The following NRK variants were observed in gnomAD, a reference collection of about 807,000 sequenced individuals.
NRK encodes Nik related kinase.
Under a neutral mutation model 125.2 loss-of-function variants are expected in NRK, and 67 were observed. The ratio of observed to expected loss-of-function variants is 0.54; its 90% CI spans 0.44 to 0.66. The LOEUF is 0.66. Ranked by LOEUF, NRK falls within the 30% of genes least tolerant of loss-of-function variation. The pLI is 0.00. For synonymous variants in NRK, 458 were observed against 429.0 expected (o/e 1.07, Z -0.84); for missense variants, 1,224 against 1,192.9 (o/e 1.03, Z -0.38).
At chrX:105,905,220 G>T (rs1426586173) in intron 9 of NRK, 45 bp from the exon 10 acceptor site, 11 of 990,328 alleles carry the variant, frequency 1.1e-5, no homozygotes, top group Non-Finnish European at 1.3e-5. Context: ...GTGTTCTTTA[G>T]TTACCCTTCT....
At position 105,955,053 on chromosome X, in the gene NRK, A is replaced by AG. The variant is rs764986196; in HGVS notation, c.4654-451dup. Among the ~76,000 whole-genome samples, 225 of 111,635 alleles carry AG rather than the reference A, an allele frequency of 2.0e-3. 1 individual carries two copies. The highest frequency in any genetic ancestry group is 7.0e-3 in the African/African-American group (217 of 30,881). On this transcript the variant is annotated intron_variant, in intron 28 of 28. Transcript: ENST00000243300. ...TTTTTAATATTAAAAAATAATGAAA[A>AG]GAAAAAAAAAGAAAATTGTACCAAG...
intron 2 of NRK, among the ~76,000 whole-genome samples, chrX:105,859,543 G>T (rs1000925903): frequency 9.0e-6 from 1 of 111,697 alleles, no homozygotes; most frequent in East Asian, 2.8e-4. Flanking sequence ...ACCCAAAAAG[G>T]GTGTGTTTAA....
intron 2 of NRK, among the ~76,000 whole-genome samples, chrX:105,836,147 T>C (rs2039262457): frequency 8.9e-6 from 1 of 111,859 alleles, no homozygotes; most frequent in Non-Finnish European, 1.9e-5. Context: ...GACTTCTCTA[T>C]AGATTGAAGA....
At position 105,875,757 on chromosome X, in the gene NRK, A is replaced by G. The variant is rs2039807441; in HGVS notation, c.124-4442A>G. Reference sequence around the variant, plus strand: ...ATAGACTTCTTGATTCTAAATGCCAATAGACTTGAATCTAGAGTCAAGAAT... The same window carrying G: ...ATAGACTTCTTGATTCTAAATGCCAGTAGACTTGAATCTAGAGTCAAGAAT... On this transcript the variant is annotated intron_variant, in intron 2 of 28. Transcript: ENST00000243300. Among the ~76,000 whole-genome samples, 5 of 110,812 alleles carry G rather than the reference A, an allele frequency of 4.5e-5. No homozygotes were observed. In the Admixed American group the frequency reaches 4.9e-4, roughly 11 times the overall value.
chrX:105,954,028 T>C (rs148751704), intron 28 of NRK, among the ~76,000 whole-genome samples: 84 of 111,033 alleles, frequency 7.6e-4, no homozygotes, highest in African/African-American at 2.7e-3. Context: ...TAACCAGGAC[T>C]AACCAGGTTA....
intron 9 of NRK, 66 bp downstream of exon 9, chrX:105,900,738 T>C: frequency 4.3e-6 from 3 of 690,583 alleles, no homozygotes; most frequent in Non-Finnish European, 6.7e-6. Context: ...CATACAAATC[T>C]CTCTCTGTCG....
Position 105,906,405 on chromosome X carries a change from AT to A in NRK, c.846-3del. 5.3e-6 allele frequency: 6 copies of A among 1,128,422 alleles called. No homozygotes were observed. Among genetic ancestry groups the A allele is most frequent in the East Asian group, 6.2e-5 (2 of 32,299 alleles). The allele number at this position is 1,128,422 out of a possible 1,213,427, so 93.0% of individuals were successfully genotyped here. A position where few individuals can be genotyped will look rare whatever the true frequency, so the allele number is the denominator to read the frequency against. ...CACTTTTTTTTCCTCTCTTTGACTC[AT>A]TTTTTAGGTCCCGTAAGTTCCACAA... On this transcript the variant is annotated splice_polypyrimidine_tract_variant and splice_region_variant and intron_variant, in intron 10 of 28. Transcript: ENST00000243300.
chrX:105,947,368 G>A (rs2040828235), intron 26 of NRK, among the ~76,000 whole-genome samples: 1 of 55,525 alleles, frequency 1.8e-5, no homozygotes, highest in Admixed American at 1.5e-4. Context: ...GCGTGAACCC[G>A]GGAGGCGGAG....
At chrX:105,896,885 G>A (rs113262290) in intron 7 of NRK, among the ~76,000 whole-genome samples, 4 of 111,707 alleles carry the variant, frequency 3.6e-5, no homozygotes, top group Non-Finnish European at 3.8e-5. Context: ...AAAAATACAT[G>A]AAGGGCATAC....
Position 105,912,677 on chromosome X carries a change from T to C in NRK, c.2271T>C (p.Asp757=). ...AAGAAGATGAATCATCAGACAATGA[T>C]GAAGTATTTCATTCGATTCAGGCTG... ...KDKEDESSDN[D]EVFHSIQAEV... is the part of the protein sequence containing the mutation. The change falls in exon 14 of 29, where the codon GAT becomes GAC. Residue 757 remains aspartate, a synonymous_variant. Coordinates refer to ENST00000243300, the MANE Select transcript of NRK (RefSeq NM_198465.4). 1 of 1,119,862 alleles carries C rather than the reference T, an allele frequency of 8.9e-7. No individual in the cohort carries two copies. The highest frequency in any genetic ancestry group is 1.2e-6 in the Non-Finnish European group (1 of 832,675). The allele number at this position is 1,119,862 out of a possible 1,213,427, so 92.3% of individuals were successfully genotyped here.
intron 26 of NRK, among the ~76,000 whole-genome samples, chrX:105,948,044 T>C (rs751593144): frequency 8.0e-5 from 9 of 111,805 alleles, no homozygotes; most frequent in African/African-American, 2.6e-4. Flanking sequence ...TACTCTTCAG[T>C]TGGAGTGTCT....
intron 2 of NRK, among the ~76,000 whole-genome samples, chrX:105,848,404 C>T (rs1336162297): frequency 8.9e-6 from 1 of 111,948 alleles, no homozygotes; most frequent in Non-Finnish European, 1.9e-5. Flanking sequence ...TGAAATATCT[C>T]ATTACTTTTC....
chrX:105,871,866 A>G (rs978105861), intron 2 of NRK, among the ~76,000 whole-genome samples: 1 of 111,842 alleles, frequency 8.9e-6, no homozygotes, highest in Non-Finnish European at 1.9e-5. Flanking sequence ...AGCAATATTT[A>G]TAAAGTCTAG....
rs781260948 is a variant in NRK at position 105,833,334 on chromosome X, CCTTATACATAGATACCTACAT to C, written c.123+2249_123+2269del. On this transcript the variant is annotated intron_variant, in intron 2 of 28. Transcript: ENST00000243300. Reference sequence around the variant, plus strand: ...TGTGCGATCTAGGTCAGTTTTGCCACCTTATACATAGATACCTACATCTTATACATAGATACCTACATCTTA... The same window carrying C: ...TGTGCGATCTAGGTCAGTTTTGCCACCTTATACATAGATACCTACATCTTA... Among the ~76,000 whole-genome samples, 266 of 111,546 alleles carry C rather than the reference CCTTATACATAGATACCTACAT, an allele frequency of 2.4e-3. 3 individuals are homozygous for C. Among genetic ancestry groups the C allele is most frequent in the Admixed American group, 0.02 (211 of 10,421 alleles).
chrX:105,940,371 AT>A (rs373707328), intron 23 of NRK, among the ~76,000 whole-genome samples: 133 of 108,386 alleles, frequency 1.2e-3, no homozygotes, highest in African/African-American at 3.8e-3. Context: ...AGATAAACCG[AT>A]TTTTTTTTCC....
chrX:105,826,300 T>G (rs1287205321), intron 1 of NRK, among the ~76,000 whole-genome samples: 14 of 86,782 alleles, frequency 1.6e-4, no homozygotes, highest in South Asian at 9.5e-4. Context: ...TTATCATATA[T>G]ATAATAGATA....
chrX:105,940,002 A>G lies in NRK; in HGVS notation c.3928A>G (p.Lys1310Glu). ...AGAGGAAGCCTGCAAAGCTATTGAT[A>G]AGTTAACAGGCTGTGAACACTTCAG... ...KTEEACKAID[K>E]LTGCEHFSVL... is the part of the protein sequence containing the mutation. The change falls in exon 23 of 29, where the codon AAG (lysine) becomes GAG (glutamate). Residue 1310 changes from lysine to glutamate, a missense_variant. Transcript: ENST00000243300. The G allele has an allele frequency of 8.4e-7, 1 of 1,189,047 alleles. No individual in the cohort carries two copies. The highest frequency in any genetic ancestry group is 1.1e-6 in the Non-Finnish European group (1 of 880,948).
intron 2 of NRK, among the ~76,000 whole-genome samples, chrX:105,871,361 C>T (rs1422407864): frequency 9.0e-6 from 1 of 111,014 alleles, no homozygotes; most frequent in Non-Finnish European, 1.9e-5. Flanking sequence ...GAGTACTTAG[C>T]CACAGTACTT....
intron 11 of NRK, chrX:105,907,768 C>T (rs1292897964): frequency 1.8e-5 from 2 of 112,086 alleles, no homozygotes; most frequent in Non-Finnish European, 3.8e-5. Context: ...AGTCACAGTA[C>T]AGCTGATGAT....
Sources: gnomAD v4.1 joint callset for allele counts (sites outside exome capture counted in the v4.1 genomes callset) on GRCh38, gnomAD v4.1.1 for gene constraint, MANE v1.5 for transcripts, NCBI Gene and HGNC (gene_info 2026-07-23, HGNC 2026-07-21) for gene names.